Variants in APAF1 observed in about 807,000 individuals in gnomAD.
The protein encoded by APAF1 is apoptotic protease-activating factor 1.
Under a neutral mutation model 152.4 loss-of-function variants are expected in APAF1, and 91 were observed. The observed-to-expected ratio is 0.60, with a 90% CI of 0.50 to 0.71. APAF1 has a LOEUF of 0.71. Ranked by LOEUF, APAF1 falls within the 30% of genes least tolerant of loss-of-function variation. The pLI is 0.00. For synonymous variants in APAF1, 484 were observed against 494.1 expected, an observed-to-expected ratio of 0.98 and a Z score of 0.27; for missense variants, 1,283 against 1,472.0, an observed-to-expected ratio of 0.87 and a Z score of 2.10.
At chr12:98,703,666 C>A (rs761524176) in intron 18 of APAF1, among the ~76,000 whole-genome samples, 167 bp downstream of exon 18, 5 of 152,184 alleles carry the variant, frequency 3.3e-5, no homozygotes, top group Non-Finnish European at 7.3e-5. Context: ...AACCACATAG[C>A]CAGCTTTATT....
intron 24 of APAF1, among the ~76,000 whole-genome samples, chr12:98,724,657 A>G (rs1565895434): frequency 6.6e-6 from 1 of 152,116 alleles, no homozygotes; most frequent in South Asian, 2.1e-4. Flanking sequence ...TAGCTGCTCT[A>G]CCTCCAGTGT....
At position 98,662,782 on chromosome 12, in the gene APAF1, C is replaced by CAT; in HGVS notation, c.933_934dup (p.Ser312IlefsTer4). 6.2e-7 allele frequency: 1 copy of CAT among 1,610,182 alleles called. No homozygotes were observed. The highest frequency in any genetic ancestry group is 8.5e-7 in the Non-Finnish European group (1 of 1,177,932). On this transcript the variant is annotated frameshift_variant, in exon 7 of 27. Transcript: ENST00000551964. LOFTEE classifies it high-confidence loss of function. ...GAAGGCAGATTTGCCAGAACAAGCT[C>CAT]ATAGTATTATAAAAGAATGTAAAGG...
intron 13 of APAF1, 73 bp from the exon 14 acceptor site, chr12:98,680,204 A>T: frequency 1.4e-6 from 2 of 1,465,164 alleles, no homozygotes; most frequent in Non-Finnish European, 1.8e-6. Flanking sequence ...AAACTCACTT[A>T]AAGATTTTTA....
intron 26 of APAF1, among the ~76,000 whole-genome samples, chr12:98,729,460 A>T (rs888085525): frequency 3.3e-5 from 5 of 152,112 alleles, no homozygotes; most frequent in Non-Finnish European, 7.4e-5. Context: ...TAATGCCACC[A>T]CTGATCTCTC....
chr12:98,645,939 T>G lies in APAF1; in HGVS notation c.-42+104T>G, dbSNP rs960790860. On this transcript the variant is annotated intron_variant, in intron 1 of 26. Transcript: ENST00000551964. ...GAGGACATGGAATATTTGATAACCA[T>G]CCTGCTCCTGTACCAGGAAGAGAAA... 4 of 152,338 alleles carry G rather than the reference T, an allele frequency of 2.6e-5. No individual in the cohort carries two copies. The East Asian group carries it at 7.7e-4, about 29-fold the overall frequency. The allele number at this position is 152,338 out of a possible 1,614,324, so 9.4% of individuals were successfully genotyped here.
At chr12:98,683,763 G>T (rs1341859979) in intron 15 of APAF1, among the ~76,000 whole-genome samples, 1 of 152,170 alleles carries the variant, frequency 6.6e-6, no homozygotes, top group Non-Finnish European at 1.5e-5. Flanking sequence ...ATTGTCCAAG[G>T]GTCACAAGTT....
intron 18 of APAF1, among the ~76,000 whole-genome samples, chr12:98,705,496 C>G (rs937137865): frequency 2.0e-5 from 3 of 152,198 alleles, no homozygotes; most frequent in African/African-American, 4.8e-5. Flanking sequence ...ACAGAACTCA[C>G]TGAATGAAAA....
chr12:98,663,236 G>A (rs1280775152), intron 7 of APAF1, among the ~76,000 whole-genome samples: 1 of 152,064 alleles, frequency 6.6e-6, no homozygotes, highest in African/African-American at 2.4e-5. Context: ...GTTTTAAGAA[G>A]TTATCCTTGA....
intron 20 of APAF1, 98 bp downstream of exon 20, chr12:98,708,802 TTGTATCTAACAGG>T: frequency 7.9e-7 from 1 of 1,273,732 alleles, no homozygotes; most frequent in Non-Finnish European, 1.1e-6. Flanking sequence ...CATAATTATT[TTGTATCTAACAGG>T]TGTCCAGCAG....
chr12:98,701,723 A>G (rs2097715568), intron 17 of APAF1, among the ~76,000 whole-genome samples: 1 of 152,246 alleles, frequency 6.6e-6, no homozygotes, highest in South Asian at 2.1e-4. Context: ...CTGTTTTACC[A>G]TGCTAAAAGA....
chr12:98,698,450 A>C (rs1001789268), intron 16 of APAF1, among the ~76,000 whole-genome samples: 4 of 152,182 alleles, frequency 2.6e-5, no homozygotes, highest in Non-Finnish European at 5.9e-5. Flanking sequence ...TTTTCTCTTT[A>C]GTATCAGGGA....
chr12:98,727,101 CAT>C, intron 25 of APAF1, 70 bp from the exon 26 acceptor site: 1 of 1,377,114 alleles, frequency 7.3e-7, no homozygotes, highest in Non-Finnish European at 1.0e-6. Context: ...TATATATGGA[CAT>C]ATATATGTTT....
chr12:98,691,176 A>C (rs1278022459), intron 16 of APAF1, among the ~76,000 whole-genome samples: 8 of 152,142 alleles, frequency 5.3e-5, no homozygotes, highest in African/African-American at 1.9e-4. Context: ...CACTGCACTC[A>C]AGCCTGGGGG....
rs1363526414 is a variant in APAF1 at position 98,648,419 on chromosome 12, C to G, written c.60C>G (p.Ile20Met). The G allele has an allele frequency of 1.2e-6, 2 of 1,613,862 alleles. No individual in the cohort carries two copies. The highest frequency in any genetic ancestry group is 4.5e-5 in the East Asian group (2 of 44,878). Residue 20 changes from isoleucine to methionine, a missense_variant, in exon 2 of 27, where the codon ATC (isoleucine) becomes ATG (methionine). Ile to Met is a conservative substitution (Grantham distance 10). Coordinates refer to ENST00000551964, the MANE Select transcript of APAF1 (RefSeq NM_181861.2). Reference sequence around the variant, plus strand: ...ATAGAGAAGCTCTGGAAAAGGACATCAAGACATCCTACATCATGGATCACA... The same window carrying G: ...ATAGAGAAGCTCTGGAAAAGGACATGAAGACATCCTACATCATGGATCACA... The part of the protein sequence containing the change: ...LQHREALEKD[I>M]KTSYIMDHMI...
chr12:98,670,695 A>G (rs566041492), intron 10 of APAF1, among the ~76,000 whole-genome samples: 1 of 151,990 alleles, frequency 6.6e-6, no homozygotes, highest in Non-Finnish European at 1.5e-5. Flanking sequence ...TTCCTTCACT[A>G]CAAGCTTACA....
chr12:98,726,036 GTTCACATTTCCGTCA>G (rs2097749995), intron 25 of APAF1, among the ~76,000 whole-genome samples: 1 of 152,164 alleles, frequency 6.6e-6, no homozygotes, highest in South Asian at 2.1e-4. Flanking sequence ...CAGTGCAGAG[GTTCACATTTCCGTCA>G]TTGTGGGGCA....
At chr12:98,673,801 A>G (rs1406538073) in intron 12 of APAF1, among the ~76,000 whole-genome samples, 1 of 152,200 alleles carries the variant, frequency 6.6e-6, no homozygotes, top group Admixed American at 6.5e-5. Flanking sequence ...CGTAGTGAAG[A>G]AAGGAGTTTA....
At chr12:98,699,058 C>T (rs2097712535) in intron 16 of APAF1, among the ~76,000 whole-genome samples, 1 of 152,178 alleles carries the variant, frequency 6.6e-6, no homozygotes, top group Non-Finnish European at 1.5e-5. Context: ...CCTGGCACAG[C>T]AGAGGGCAGC....
chr12:98,680,464 T>G (rs1192470634), intron 14 of APAF1, 62 bp downstream of exon 14: 11 of 1,541,276 alleles, frequency 7.1e-6, no homozygotes, highest in Non-Finnish European at 9.8e-6. Context: ...TTTTCCATGA[T>G]CATGAGACCA....
Sources: gnomAD v4.1 joint callset for allele counts (sites outside exome capture counted in the v4.1 genomes callset) on GRCh38, gnomAD v4.1.1 for gene constraint, MANE v1.5 for transcripts, NCBI Gene and HGNC (gene_info 2026-07-23, HGNC 2026-07-21) for gene names.